The following SH3KBP1 variants were observed in gnomAD, a reference collection of about 807,000 sequenced individuals.
The protein encoded by SH3KBP1 is SH3 domain containing kinase binding protein 1.
A neutral mutation model predicts 50.1 loss-of-function variants in SH3KBP1; 8 were observed. That is an observed-to-expected ratio of 0.16 (90% confidence interval 0.09 to 0.29). SH3KBP1 has a LOEUF of 0.29. Among genes scored for constraint, SH3KBP1 ranks in the 10% least tolerant of loss-of-function variants. The pLI, the probability that SH3KBP1 is intolerant of heterozygous loss-of-function variation, is 1.00. For synonymous variants in SH3KBP1, 227 were observed against 218.6 expected (o/e 1.04, Z -0.34); for missense variants, 377 against 535.2 (o/e 0.70, Z 2.92).
At chrX:19,807,477 T>G (rs1252409646) in intron 2 of SH3KBP1, among the ~76,000 whole-genome samples, 10 of 111,080 alleles carry the variant, frequency 9.0e-5, no homozygotes, top group Non-Finnish European at 1.7e-4. Context: ...CAGGAGCCTC[T>G]TCCTCATCAT....
intron 12 of SH3KBP1, among the ~76,000 whole-genome samples, chrX:19,572,497 T>C (rs992145328): frequency 9.3e-6 from 1 of 107,179 alleles, no homozygotes; most frequent in Non-Finnish European, 1.9e-5. Flanking sequence ...ATGTTATATA[T>C]AGTACATATA....
At chrX:19,583,108 A>G (rs2066425628) in intron 12 of SH3KBP1, among the ~76,000 whole-genome samples, 1 of 101,548 alleles carries the variant, frequency 9.8e-6, no homozygotes, top group Non-Finnish European at 2.0e-5. Flanking sequence ...ACCCATTTTT[A>G]TTCAATTGCT....
Position 19,818,412 on chromosome X carries a change from T to C in SH3KBP1, c.162+17713A>G, listed in dbSNP as rs139947348. On this transcript the variant is annotated intron_variant, in intron 2 of 17. Transcript: ENST00000397821. ...CTTTCCAATTCATATGTCTTTTATT[T>C]TTTTCTCAACTAGTTGCTCTAGCTA... 2.5e-3 allele frequency among the ~76,000 whole-genome samples: 280 copies of C among 112,051 alleles called. 1 individual carries two copies. The highest frequency in any genetic ancestry group is 8.4e-3 in the African/African-American group (260 of 30,853).
chrX:19,612,369 T>C (rs1569340583), intron 8 of SH3KBP1, among the ~76,000 whole-genome samples: 1 of 111,635 alleles, frequency 9.0e-6, no homozygotes, highest in Non-Finnish European at 1.9e-5. Flanking sequence ...TTCAAGCGAT[T>C]CTCCTGCGCC....
intron 14 of SH3KBP1, among the ~76,000 whole-genome samples, chrX:19,546,508 C>CTTCCTT (rs1387127173): frequency 1.8e-5 from 2 of 112,141 alleles, no homozygotes; most frequent in Non-Finnish European, 3.8e-5. Context: ...ATTCCCTCCT[C>CTTCCTT]TTCCTTTTCC....
rs145494797 is a variant in SH3KBP1 at position 19,772,962 on chromosome X, G to A, written c.163-26521C>T. ...ATATGTGGCATTGACCCAGGCCAGT[G>A]TGCTCCATCTGGCAAGTGTTTCTGG... On this transcript the variant is annotated intron_variant, in intron 2 of 17. Coordinates refer to ENST00000397821, the MANE Select transcript of SH3KBP1 (RefSeq NM_031892.3). Among the ~76,000 whole-genome samples the A allele has an allele frequency of 8.8e-3, 982 of 111,794 alleles. 4 individuals are homozygous for A. Among genetic ancestry groups the A allele is most frequent in the African/African-American group, 0.019 (582 of 30,689 alleles).
chrX:19,823,978 G>T (rs1013528084), intron 2 of SH3KBP1, among the ~76,000 whole-genome samples: 9 of 110,820 alleles, frequency 8.1e-5, no homozygotes, highest in Non-Finnish European at 1.9e-5. Flanking sequence ...GGACCACCAC[G>T]CCTGGCTACT....
intron 8 of SH3KBP1, among the ~76,000 whole-genome samples, chrX:19,620,152 G>A (rs2067762059): frequency 8.9e-6 from 1 of 112,439 alleles, no homozygotes; most frequent in Non-Finnish European, 1.9e-5. Flanking sequence ...CAGGTAGACA[G>A]TAGCGTTCAT....
chrX:19,793,311 A>AT (rs1556379873), intron 2 of SH3KBP1, among the ~76,000 whole-genome samples: 5 of 96,535 alleles, frequency 5.2e-5, no homozygotes, highest in Admixed American at 2.2e-4. Flanking sequence ...CAAGGAAAAA[A>AT]AAATATATAT....
intron 1 of SH3KBP1, among the ~76,000 whole-genome samples, chrX:19,842,684 C>T (rs1444133918): frequency 9.0e-6 from 1 of 111,617 alleles, no homozygotes; most frequent in Non-Finnish European, 1.9e-5. Context: ...ACTTCCCCTC[C>T]ACCATGAGAT....
intron 9 of SH3KBP1, 28 bp from the exon 10 acceptor site, chrX:19,595,028 A>G: frequency 9.3e-7 from 1 of 1,078,403 alleles, no homozygotes; most frequent in Non-Finnish European, 1.3e-6. Context: ...ATTATACCAC[A>G]TGAGATTGTT....
At chrX:19,874,982 G>A (rs1285632991) in intron 1 of SH3KBP1, among the ~76,000 whole-genome samples, 1 of 108,685 alleles carries the variant, frequency 9.2e-6, no homozygotes, top group Non-Finnish European at 1.9e-5. Context: ...GAAAAAGAGG[G>A]GGAGAAGGCA....
chrX:19,731,994 T>C (rs2064393617), intron 3 of SH3KBP1, among the ~76,000 whole-genome samples: 2 of 112,232 alleles, frequency 1.8e-5, no homozygotes, highest in Admixed American at 1.9e-4. Context: ...TTTCATTTAA[T>C]ATACTGTCAT....
rs1409763646 is a variant in SH3KBP1, at chrX:19,832,473, G to A, written c.162+3652C>T. 2.7e-5 allele frequency among the ~76,000 whole-genome samples: 3 copies of A among 111,629 alleles called. No homozygotes were observed. In the Admixed American group the frequency reaches 2.9e-4, roughly 11 times the overall value. Reference sequence around the variant, plus strand: ...TTTCACAGGGTGGGTGAGGTATAAAGAAAGCCCAAGGTGGTAGCCAGGGAC... The same window carrying A: ...TTTCACAGGGTGGGTGAGGTATAAAAAAAGCCCAAGGTGGTAGCCAGGGAC... On this transcript the variant is annotated intron_variant, in intron 2 of 17. Transcript: ENST00000397821.
At chrX:19,756,473 T>C (rs990755325) in intron 2 of SH3KBP1, among the ~76,000 whole-genome samples, 1 of 111,013 alleles carries the variant, frequency 9.0e-6, no homozygotes, top group African/African-American at 3.3e-5. Context: ...ATCTGTCAGA[T>C]TGTCAACAAT....
intron 7 of SH3KBP1, among the ~76,000 whole-genome samples, chrX:19,635,934 C>T (rs1210653586): frequency 8.9e-6 from 1 of 111,860 alleles, no homozygotes; most frequent in Admixed American, 9.5e-5. Context: ...AGAAAGTTCT[C>T]AAAAGAGGAG....
intron 1 of SH3KBP1, among the ~76,000 whole-genome samples, chrX:19,873,529 G>A (rs1201974945): frequency 2.9e-5 from 3 of 104,429 alleles, no homozygotes; most frequent in African/African-American, 1.1e-4. Flanking sequence ...AAAATTAGCC[G>A]GGCGAGGTGG....
intron 13 of SH3KBP1, among the ~76,000 whole-genome samples, chrX:19,560,034 G>A (rs748007766): frequency 2.7e-5 from 3 of 110,423 alleles, no homozygotes; most frequent in Non-Finnish European, 3.8e-5. Context: ...CCTATAAGTC[G>A]CAGCTACTCA....
intron 3 of SH3KBP1, among the ~76,000 whole-genome samples, chrX:19,733,417 T>C (rs1024633821): frequency 9.1e-6 from 1 of 110,100 alleles, no homozygotes; most frequent in East Asian, 2.8e-4. Flanking sequence ...TTCATATATA[T>C]AATAATATTA....
Sources: gnomAD v4.1 joint callset for allele counts (sites outside exome capture counted in the v4.1 genomes callset) on GRCh38, gnomAD v4.1.1 for gene constraint, MANE v1.5 for transcripts, NCBI Gene and HGNC (gene_info 2026-07-23, HGNC 2026-07-21) for gene names.